TRIM33: variants seen among roughly 807,000 people sequenced by gnomAD.
TRIM33 encodes the protein E3 ubiquitin-protein ligase TRIM33.
In TRIM33, 20 loss-of-function variants were observed where a neutral mutation model predicts 125.4. The observed-to-expected ratio is 0.16, with a 90% CI of 0.11 to 0.23. The LOEUF is 0.23. Among genes scored for constraint, TRIM33 ranks in the 10% least tolerant of loss-of-function variants. The probability of loss-of-function intolerance (pLI) is 1.00; values close to 1 mark genes in which losing one functional copy is unlikely to be tolerated. For synonymous variants in TRIM33, 564 were observed against 513.9 expected (o/e 1.10, Z -1.32); for missense variants, 920 against 1,411.4 (o/e 0.65, Z 5.58).
At position 114,463,088 on chromosome 1, in the gene TRIM33, A is replaced by G; in HGVS notation, c.923+16T>C. ...TTTTTATAGTATTTCCTGGTAAGCA[A>G]TTATGATTTCTGTACCTATGTTCTT... On this transcript the variant is annotated intron_variant, in intron 4 of 19. Transcript: ENST00000358465. 1.9e-6 allele frequency: 3 copies of G among 1,567,030 alleles called. No homozygotes were observed. The highest frequency in any genetic ancestry group is 1.2e-5 in the South Asian group (1 of 82,468).
intron 1 of TRIM33, among the ~76,000 whole-genome samples, chr1:114,485,720 G>A (rs1364345940): frequency 6.6e-6 from 1 of 152,182 alleles, no homozygotes; most frequent in African/African-American, 2.4e-5. Flanking sequence ...CAAGGGGAAG[G>A]TGAACATACA....
intron 4 of TRIM33, among the ~76,000 whole-genome samples, chr1:114,436,448 C>T (rs1489534275): frequency 1.4e-5 from 2 of 148,002 alleles, no homozygotes; most frequent in African/African-American, 2.5e-5. Flanking sequence ...CAAAAAAGCA[C>T]GTGAATATTT....
chr1:114,405,330 C>CCAGAT, intron 15 of TRIM33, 80 bp downstream of exon 15: 1 of 1,077,654 alleles, frequency 9.3e-7, no homozygotes, highest in Non-Finnish European at 1.4e-6. Flanking sequence ...GGTTAGAAGG[C>CCAGAT]CATCTGCCCT....
chr1:114,426,680 G>A (rs1360063343), intron 8 of TRIM33, among the ~76,000 whole-genome samples: 1 of 151,904 alleles, frequency 6.6e-6, no homozygotes, highest in Non-Finnish European at 1.5e-5. Flanking sequence ...TTCATCTATG[G>A]TCTTTAGGTC....
chr1:114,478,092 TCAA>T (rs1236357502), intron 1 of TRIM33, among the ~76,000 whole-genome samples: 1 of 152,168 alleles, frequency 6.6e-6, no homozygotes, highest in Non-Finnish European at 1.5e-5. Context: ...CCACAGGGAA[TCAA>T]CTACTGTCAT....
intron 4 of TRIM33, among the ~76,000 whole-genome samples, chr1:114,455,281 T>A (rs928735828): frequency 6.6e-6 from 1 of 152,178 alleles, no homozygotes; most frequent in African/African-American, 2.4e-5. Flanking sequence ...CTCCCCAGAA[T>A]AAGCAGCTGA....
intron 4 of TRIM33, among the ~76,000 whole-genome samples, chr1:114,439,359 C>A (rs1215939469): frequency 6.6e-6 from 1 of 150,906 alleles, no homozygotes; most frequent in African/African-American, 2.4e-5. Context: ...GTAATCCCAG[C>A]TACTCAGGAG....
intron 10 of TRIM33, among the ~76,000 whole-genome samples, chr1:114,424,154 A>AT (rs1001442967): frequency 3.9e-5 from 6 of 152,166 alleles, no homozygotes; most frequent in South Asian, 2.1e-4. Flanking sequence ...AGGTAAAAAA[A>AT]AATAATAATA....
chr1:114,397,534 G>A lies in TRIM33; in HGVS notation c.*114C>T, dbSNP rs1651601710. ...AAGCTATCAGCTTCTTCAAGGAGGT[G>A]CCCACTGTAGGCAGGATATTCCAGC... On this transcript the variant is annotated 3_prime_UTR_variant, in exon 20 of 20. Transcript: ENST00000358465. 1 of 706,668 alleles carries A rather than the reference G, an allele frequency of 1.4e-6. No homozygotes were observed. Among genetic ancestry groups the A allele is most frequent in the Non-Finnish European group, 2.4e-6 (1 of 423,790 alleles). The allele number at this position is 706,668 out of a possible 1,614,324, so 43.8% of individuals were successfully genotyped here.
intron 1 of TRIM33, among the ~76,000 whole-genome samples, chr1:114,509,174 T>C (rs1372946231): frequency 1.3e-5 from 2 of 152,182 alleles, no homozygotes; most frequent in Non-Finnish European, 2.9e-5. Flanking sequence ...ATCCTCTTGA[T>C]ATGAAAGCCC....
At chr1:114,480,307 C>A (rs552741412) in intron 1 of TRIM33, among the ~76,000 whole-genome samples, 1 of 152,040 alleles carries the variant, frequency 6.6e-6, no homozygotes, top group African/African-American at 2.4e-5. Flanking sequence ...CATCACCACT[C>A]CCTGATCTCA....
At chr1:114,507,262 A>G (rs1430572439) in intron 1 of TRIM33, among the ~76,000 whole-genome samples, 5 of 152,248 alleles carry the variant, frequency 3.3e-5, no homozygotes, top group East Asian at 1.9e-4. Context: ...AAACGAGACT[A>G]CTGGACAGGA....
At chr1:114,439,875 A>G (rs1329104534) in intron 4 of TRIM33, among the ~76,000 whole-genome samples, 2 of 152,210 alleles carry the variant, frequency 1.3e-5, no homozygotes, top group Non-Finnish European at 2.9e-5. Context: ...AGAGTGGAGC[A>G]ACATCTTTAA....
rs1408208123 is a variant in TRIM33, at chr1:114,421,540, C to A, written c.1957G>T (p.Ala653Ser). ...GATGGGCTGGTGGGACCTCGGTTTG[C>A]ATTTGCCATAGTTGCTGTAGTAGGG... Reference protein sequence around the residue: ...TSPTTATMANANRGPTSPSVT... With the variant: ...TSPTTATMANSNRGPTSPSVT... The change falls in exon 11 of 20, where the codon GCA becomes TCA. Residue 653 changes from alanine (A) to serine (S), a missense_variant. Transcript: ENST00000358465. 1 of 1,614,050 alleles carries A rather than the reference C, an allele frequency of 6.2e-7. No individual in the cohort carries two copies. The highest frequency in any genetic ancestry group is 8.5e-7 in the Non-Finnish European group (1 of 1,180,018).
chr1:114,492,689 T>C (rs1327973439), intron 1 of TRIM33, among the ~76,000 whole-genome samples: 3 of 152,206 alleles, frequency 2.0e-5, no homozygotes, highest in Non-Finnish European at 4.4e-5. Flanking sequence ...TGCCCTCTTA[T>C]GTCTGTCTTA....
chr1:114,442,506 A>G (rs1303542011), intron 4 of TRIM33, among the ~76,000 whole-genome samples: 1 of 151,920 alleles, frequency 6.6e-6, no homozygotes, highest in East Asian at 1.9e-4. Context: ...CCTGGCCAAT[A>G]TGGTGAAACT....
rs1266367251 is a variant in TRIM33 at position 114,399,471 on chromosome 1, C to T, written c.3106G>A (p.Glu1036Lys). 2 of 1,613,590 alleles carry T rather than the reference C, an allele frequency of 1.2e-6. No homozygotes were observed. The highest frequency in any genetic ancestry group is 8.5e-7 in the Non-Finnish European group (1 of 1,179,748). The stretch of plus-strand genomic sequence containing the variant: ...AGTTAACATACTTCATTAAACCTTT[C>T]ACAGTTCTTGAAGATCAAACGGACA... Reference protein sequence around the residue: ...ADVRLIFKNCERFNEMMKVVQ... With the variant: ...ADVRLIFKNCKRFNEMMKVVQ... Residue 1036 changes from glutamate (E) to lysine (K), a missense_variant, in exon 18 of 20, where the codon GAA (glutamate) becomes AAA (lysine). Physicochemically the swap from Glu to Lys is moderately conservative, Grantham distance 56. Around this residue, in one of 8 missense-constraint regions of TRIM33, gnomAD observed 122 missense variants for 236.8 expected, o/e 0.52. Coordinates refer to ENST00000358465, the MANE Select transcript of TRIM33 (RefSeq NM_015906.4).
intron 1 of TRIM33, among the ~76,000 whole-genome samples, chr1:114,510,002 T>C (rs1653241161): frequency 6.6e-6 from 1 of 152,128 alleles, no homozygotes. Flanking sequence ...TCTTTCCCCA[T>C]GTCATCTTAC....
chr1:114,439,448 G>A (rs1256602368), intron 4 of TRIM33, among the ~76,000 whole-genome samples: 3 of 127,784 alleles, frequency 2.3e-5, no homozygotes, highest in East Asian at 2.4e-4. Flanking sequence ...CAGCCTGGGC[G>A]ACAGAGAGAG....
Sources: allele counts gnomAD v4.1 joint callset (sites outside exome capture counted in the v4.1 genomes callset), GRCh38; gene constraint gnomAD v4.1.1; regional missense constraint gnomAD v4.1.1; transcripts MANE v1.5; gene names NCBI Gene and HGNC (gene_info 2026-07-23, HGNC 2026-07-21).